POLD3: variants seen among roughly 807,000 people sequenced by gnomAD.
POLD3 encodes DNA polymerase delta subunit 3.
A neutral mutation model predicts 58.2 loss-of-function variants in POLD3; 19 were observed. That is an observed-to-expected ratio of 0.33 (90% CI 0.23 to 0.48). POLD3 has a LOEUF of 0.48. Ranked by LOEUF, POLD3 falls within the 20% of genes least tolerant of loss-of-function variation. POLD3 has a pLI of 0.99. For synonymous variants in POLD3, 172 were observed against 193.5 expected, an observed-to-expected ratio of 0.89 and a Z score of 0.92; for missense variants, 504 against 545.5, an observed-to-expected ratio of 0.92 and a Z score of 0.76.
intron 4 of POLD3, among the ~76,000 whole-genome samples, chr11:74,661,661 C>T (rs1338181839): frequency 1.3e-5 from 2 of 152,278 alleles, no homozygotes; most frequent in South Asian, 2.1e-4. Flanking sequence ...CTGGGTCTTA[C>T]CCAAGACCCC....
intron 4 of POLD3, among the ~76,000 whole-genome samples, chr11:74,612,537 A>G (rs2031948004): frequency 6.6e-6 from 1 of 152,314 alleles, no homozygotes; most frequent in Admixed American, 6.5e-5. Context: ...ATTACTTAGT[A>G]CTCTTTAATT....
At chr11:74,632,927 CACACACAGTT>C (rs2032637193) in intron 9 of POLD3, among the ~76,000 whole-genome samples, 1 of 128,442 alleles carries the variant, frequency 7.8e-6, no homozygotes, top group African/African-American at 2.7e-5. Flanking sequence ...CACACACACA[CACACACAGTT>C]ACTCTATGTT....
intron 11 of POLD3, among the ~76,000 whole-genome samples, chr11:74,639,631 T>C (rs1426631674): frequency 6.6e-6 from 1 of 152,232 alleles, no homozygotes; most frequent in Non-Finnish European, 1.5e-5. Flanking sequence ...GGTTGGTATA[T>C]GTGTTGCAGT....
At position 74,613,749 on chromosome 11, in the gene POLD3, C is replaced by T. The variant is rs562070018; in HGVS notation, c.392+739C>T. ...GCAAATAACTCATGAGTACCTATGA[C>T]ATACCATACAGTATAGAGTGAATGT... is the stretch of plus-strand genomic sequence containing the variant. On this transcript the variant is annotated intron_variant, in intron 5 of 11. Coordinates refer to ENST00000263681, the MANE Select transcript of POLD3 (RefSeq NM_006591.3). Among the ~76,000 whole-genome samples the T allele has an allele frequency of 4.1e-4, 62 of 152,336 alleles. 1 individual carries two copies. The South Asian group carries it at 0.013, about 31-fold the overall frequency.
chr11:74,664,361 CA>C (rs1347778519), intron 4 of POLD3, among the ~76,000 whole-genome samples: 1 of 152,158 alleles, frequency 6.6e-6, no homozygotes, highest in Non-Finnish European at 1.5e-5. Flanking sequence ...AAACTGGAAA[CA>C]ACCCAAATAT....
In POLD3 at chr11:74,642,107, GGTGTAT is replaced by G. The variant is rs1483086914; in HGVS notation, c.*1344_*1349del. 2.0e-6 allele frequency: 2 copies of G among 985,246 alleles called. No homozygotes were observed. Among genetic ancestry groups the G allele is most frequent in the Non-Finnish European group, 2.4e-6 (2 of 829,940 alleles). The allele number at this position is 985,246 out of a possible 1,614,324, so 61.0% of individuals were successfully genotyped here. A position where few individuals can be genotyped will look rare whatever the true frequency, so the allele number is the denominator to read the frequency against. On this transcript the variant is annotated 3_prime_UTR_variant, in exon 12 of 12. Transcript: ENST00000263681. ...TGACTGGCTTCTTTTGCCTCAAGAT[GGTGTAT>G]GTCGTAAGTGATGCAATCAGCTGTC...
downstream of POLD3, among the ~76,000 whole-genome samples, chr11:74,643,964 G>A (rs549100762): frequency 8.5e-5 from 13 of 152,208 alleles, no homozygotes; most frequent in African/African-American, 2.9e-4. Flanking sequence ...GTCTTCCCCC[G>A]TCAACATAGA....
intron 4 of POLD3, among the ~76,000 whole-genome samples, chr11:74,648,683 A>T (rs529333117): frequency 6.6e-6 from 1 of 152,230 alleles, no homozygotes; most frequent in Non-Finnish European, 1.5e-5. Flanking sequence ...ATGAGGCCAT[A>T]TAAGTAGGCA....
At chr11:74,653,799 T>C (rs1167149986) in intron 4 of POLD3, among the ~76,000 whole-genome samples, 1 of 152,208 alleles carries the variant, frequency 6.6e-6, no homozygotes, top group Non-Finnish European at 1.5e-5. Context: ...TGCTAGTCTG[T>C]TCTTGCGTTG....
intron 4 of POLD3, among the ~76,000 whole-genome samples, chr11:74,661,289 A>C (rs780656488): frequency 6.6e-6 from 1 of 152,138 alleles, no homozygotes; most frequent in Non-Finnish European, 1.5e-5. Context: ...TTGAAGAGTT[A>C]AGTATTCATT....
intron 2 of POLD3, among the ~76,000 whole-genome samples, chr11:74,598,378 C>G (rs553793982): frequency 4.7e-4 from 71 of 152,234 alleles, no homozygotes; most frequent in African/African-American, 1.6e-3. Flanking sequence ...TCTTTCCCCA[C>G]TAGAATATAA....
intron 11 of POLD3, 21 bp from the exon 12 acceptor site, chr11:74,640,543 A>G (rs1213361303): frequency 6.8e-7 from 1 of 1,481,470 alleles, no homozygotes; most frequent in Non-Finnish European, 9.0e-7. Context: ...CCCATGTTCC[A>G]TTTTTTTCTC....
At chr11:74,633,011 A>T (rs1305210781) in intron 9 of POLD3, among the ~76,000 whole-genome samples, 1 of 151,960 alleles carries the variant, frequency 6.6e-6, no homozygotes, top group East Asian at 1.9e-4. Flanking sequence ...GGGGATCTAG[A>T]TAAACATTTG....
chr11:74,667,307 G>A (rs917635395), intron 4 of POLD3, among the ~76,000 whole-genome samples: 2 of 152,152 alleles, frequency 1.3e-5, no homozygotes, highest in African/African-American at 2.4e-5. Context: ...AGGCCGAGGC[G>A]GGCAGATCAC....
intron 4 of POLD3, among the ~76,000 whole-genome samples, chr11:74,656,141 A>C (rs971145369): frequency 3.9e-5 from 6 of 152,376 alleles, no homozygotes; most frequent in Admixed American, 3.9e-4. Flanking sequence ...ACATCTCTAC[A>C]CTAAAAACTA....
intron 2 of POLD3, among the ~76,000 whole-genome samples, chr11:74,601,742 A>G (rs1474071684): frequency 2.0e-5 from 3 of 152,144 alleles, no homozygotes; most frequent in Non-Finnish European, 4.4e-5. Context: ...GAGCTGCGCC[A>G]CTGCACTTCA....
intron 11 of POLD3, chr11:74,638,509 GAAAGT>G: frequency 2.4e-6 from 1 of 408,196 alleles, no homozygotes; most frequent in Non-Finnish European, 4.9e-6. Flanking sequence ...CCAACTAGTA[GAAAGT>G]AATTTCCTTT....
intron 5 of POLD3, among the ~76,000 whole-genome samples, chr11:74,616,608 G>C (rs1260784163): frequency 6.6e-6 from 1 of 152,214 alleles, no homozygotes; most frequent in African/African-American, 2.4e-5. Flanking sequence ...AGCAGTGGGT[G>C]AAAGCAAATG....
At chr11:74,620,214 A>G in intron 7 of POLD3, 125 bp downstream of exon 7, 1 of 714,458 alleles carries the variant, frequency 1.4e-6, no homozygotes, top group Non-Finnish European at 2.5e-6. Context: ...ATTCTAACAA[A>G]TTTCCAGTGT....
Sources: allele counts gnomAD v4.1 joint callset (sites outside exome capture counted in the v4.1 genomes callset), GRCh38; gene constraint gnomAD v4.1.1; transcripts MANE v1.5; gene names NCBI Gene and HGNC (gene_info 2026-07-23, HGNC 2026-07-21).